The following RCAN2 variants were observed in gnomAD, a reference collection of about 807,000 sequenced individuals.
RCAN2 encodes the protein regulator of calcineurin 2.
RCAN2 carries 9 observed loss-of-function variants against 23.6 expected under a neutral mutation model. The observed-to-expected ratio is 0.38, with a 90% confidence interval of 0.23 to 0.67. The LOEUF is 0.67. RCAN2 is among the 30% of genes least tolerant of loss of function. The probability of loss-of-function intolerance (pLI) is 0.51; values close to 1 mark genes in which losing one functional copy is unlikely to be tolerated. For synonymous variants in RCAN2, 109 were observed against 115.7 expected, an observed-to-expected ratio of 0.94 and a Z score of 0.37; for missense variants, 273 against 302.3, an observed-to-expected ratio of 0.90 and a Z score of 0.72.
At chr6:46,343,933 A>C (rs1764408380) in intron 2 of RCAN2, among the ~76,000 whole-genome samples, 1 of 152,256 alleles carries the variant, frequency 6.6e-6, no homozygotes, top group Admixed American at 6.5e-5. Context: ...TGCTACAACA[A>C]GAATGAACCT....
chr6:46,386,603 T>C, intron 2 of RCAN2, among the ~76,000 whole-genome samples: 1 of 116,344 alleles, frequency 8.6e-6, no homozygotes, highest in Non-Finnish European at 1.8e-5. Flanking sequence ...AGCAAAACTC[T>C]GTCTCACAAA....
At chr6:46,387,438 T>C (rs554644331) in intron 2 of RCAN2, among the ~76,000 whole-genome samples, 110 of 151,888 alleles carry the variant, frequency 7.2e-4, no homozygotes, top group Non-Finnish European at 9.7e-4. Flanking sequence ...AAAAAGTGGG[T>C]GAAGGATATG....
At chr6:46,416,035 C>T (rs568435284) in intron 2 of RCAN2, among the ~76,000 whole-genome samples, 2 of 152,146 alleles carry the variant, frequency 1.3e-5, no homozygotes, top group East Asian at 3.9e-4. Context: ...TAATAACCGA[C>T]AAGAAAAATG....
rs543096179 is a variant in RCAN2 at position 46,221,142 on chromosome 6, C to T, written c.*1999G>A. On this transcript the variant is annotated 3_prime_UTR_variant, in exon 5 of 5. Transcript: ENST00000371374. ...TGACTACACAGAATGGTCATTTCAA[C>T]TTTTACTAAGTTGTTAAAAATGTCA... 2.6e-5 allele frequency: 4 copies of T among 152,300 alleles called. No homozygotes were observed. Among genetic ancestry groups the T allele is most frequent in the Non-Finnish European group, 5.9e-5 (4 of 68,022 alleles). The allele number at this position is 152,300 out of a possible 1,614,324, so 9.4% of individuals were successfully genotyped here. A position where few individuals can be genotyped will look rare whatever the true frequency, so the allele number is the denominator to read the frequency against.
intron 4 of RCAN2, among the ~76,000 whole-genome samples, chr6:46,232,686 C>T (rs762561420): frequency 1.6e-4 from 24 of 146,186 alleles, no homozygotes; most frequent in Non-Finnish European, 2.7e-4. Flanking sequence ...CCAGCTACTG[C>T]GGAGGCTGAG....
At chr6:46,289,385 A>T (rs1437063478) in intron 2 of RCAN2, among the ~76,000 whole-genome samples, 1 of 152,254 alleles carries the variant, frequency 6.6e-6, no homozygotes, top group East Asian at 1.9e-4. Context: ...GAAGCCCAAG[A>T]GGAAACATAA....
At chr6:46,240,749 A>C (rs1357718327) in intron 4 of RCAN2, among the ~76,000 whole-genome samples, 1 of 152,230 alleles carries the variant, frequency 6.6e-6, no homozygotes, top group Non-Finnish European at 1.5e-5. Context: ...CCTGGAATAG[A>C]AAATGTTTCT....
intron 2 of RCAN2, among the ~76,000 whole-genome samples, chr6:46,318,951 A>G (rs1763528629): frequency 6.6e-6 from 1 of 152,194 alleles, no homozygotes; most frequent in Non-Finnish European, 1.5e-5. Flanking sequence ...TGGAATGGGT[A>G]TATATAACTT....
intron 2 of RCAN2, among the ~76,000 whole-genome samples, chr6:46,407,468 C>T (rs560919337): frequency 2.4e-4 from 36 of 152,192 alleles, no homozygotes; most frequent in South Asian, 8.3e-4. Flanking sequence ...AATTCCAAGC[C>T]GACTCAGGCA....
intron 2 of RCAN2, among the ~76,000 whole-genome samples, chr6:46,329,247 C>T (rs1763886744): frequency 6.6e-6 from 1 of 152,220 alleles, no homozygotes; most frequent in Non-Finnish European, 1.5e-5. Flanking sequence ...GATCACATCT[C>T]TTTGGAAAAG....
At chr6:46,257,538 G>T (rs1377309234) in intron 2 of RCAN2, among the ~76,000 whole-genome samples, 1 of 152,180 alleles carries the variant, frequency 6.6e-6, no homozygotes, top group Non-Finnish European at 1.5e-5. Context: ...ATGGCAGCAG[G>T]AGAGGGAAAG....
intron 2 of RCAN2, among the ~76,000 whole-genome samples, chr6:46,401,548 T>G (rs2150403061): frequency 6.6e-6 from 1 of 152,272 alleles, no homozygotes; most frequent in South Asian, 2.1e-4. Context: ...AAAGTGTCCT[T>G]GCTTGAATTT....
At chr6:46,267,324 C>T (rs759367928) in intron 2 of RCAN2, among the ~76,000 whole-genome samples, 3 of 152,126 alleles carry the variant, frequency 2.0e-5, no homozygotes, top group Non-Finnish European at 4.4e-5. Context: ...AAGATAATCA[C>T]TGTTAATATT....
intron 2 of RCAN2, among the ~76,000 whole-genome samples, chr6:46,307,599 C>A (rs1763113486): frequency 6.6e-6 from 1 of 152,098 alleles, no homozygotes; most frequent in African/African-American, 2.4e-5. Flanking sequence ...CCATGCTAAT[C>A]TGGGGATTCA....
intron 4 of RCAN2, among the ~76,000 whole-genome samples, chr6:46,243,757 C>T (rs150784947): frequency 0.039 from 5,212 of 135,138 alleles, 315 homozygotes; most frequent in African/African-American, 0.13. Context: ...TTGCAGTCAG[C>T]CGATATTGTG....
intron 2 of RCAN2, among the ~76,000 whole-genome samples, chr6:46,344,325 A>G (rs757669646): frequency 3.9e-5 from 6 of 152,108 alleles, no homozygotes; most frequent in Non-Finnish European, 7.4e-5. Flanking sequence ...TCTAGAAATG[A>G]TTTTTTTCAC....
At chr6:46,244,183 A>G (rs1038639424) in intron 4 of RCAN2, among the ~76,000 whole-genome samples, 8 of 152,248 alleles carry the variant, frequency 5.3e-5, no homozygotes. Context: ...GCTATAGATT[A>G]GCTGTAACAT....
chr6:46,457,561 T>C (rs1351810765), intron 1 of RCAN2, among the ~76,000 whole-genome samples: 2 of 152,190 alleles, frequency 1.3e-5, no homozygotes, highest in East Asian at 3.9e-4. Context: ...GAAGCCTATA[T>C]TTAAGAAAGT....
intron 1 of RCAN2, among the ~76,000 whole-genome samples, chr6:46,458,890 C>T (rs1188276750): frequency 3.9e-5 from 5 of 129,840 alleles, no homozygotes; most frequent in South Asian, 2.7e-4. Context: ...GGAAAACGCG[C>T]GCGCACGTGT....
Sources: allele counts gnomAD v4.1 joint callset (sites outside exome capture counted in the v4.1 genomes callset), GRCh38; gene constraint gnomAD v4.1.1; transcripts MANE v1.5; gene names NCBI Gene and HGNC (gene_info 2026-07-23, HGNC 2026-07-21).